FARP2: variants seen among roughly 807,000 people sequenced by gnomAD.
FARP2 encodes the protein FERM, ARHGEF and pleckstrin domain-containing protein 2.
A neutral mutation model predicts 130.5 loss-of-function variants in FARP2; 111 were observed. The ratio of observed to expected loss-of-function variants is 0.85; its 90% CI spans 0.73 to 1.00. The LOEUF is 1.00. FARP2 is among the 50% of genes least tolerant of loss of function. FARP2 has a pLI of 0.00. For synonymous variants in FARP2, 504 were observed against 516.9 expected, an observed-to-expected ratio of 0.98 and a Z score of 0.34; for missense variants, 1,385 against 1,346.3, an observed-to-expected ratio of 1.03 and a Z score of -0.45.
chr2:241,434,664 C>A (rs1001481403), intron 10 of FARP2, among the ~76,000 whole-genome samples: 7 of 152,094 alleles, frequency 4.6e-5, no homozygotes, highest in African/African-American at 1.7e-4. Flanking sequence ...TCAGCCTGGC[C>A]AACATGGTGA....
intron 17 of FARP2, among the ~76,000 whole-genome samples, chr2:241,464,905 C>T (rs2064129474): frequency 1.3e-5 from 2 of 152,032 alleles, no homozygotes; most frequent in Admixed American, 1.3e-4. Flanking sequence ...ACACTGTTTC[C>T]CTCAGAACAA....
At position 241,494,826 on chromosome 2, in the gene FARP2, A is replaced by G. The variant is rs2065062206; in HGVS notation, c.*701A>G. The G allele has an allele frequency of 6.6e-6, 1 of 152,090 alleles. No individual in the cohort carries two copies. Among genetic ancestry groups the G allele is most frequent in the Non-Finnish European group, 1.5e-5 (1 of 68,030 alleles). The allele number at this position is 152,090 out of a possible 1,614,324, so 9.4% of individuals were successfully genotyped here. On this transcript the variant is annotated 3_prime_UTR_variant, in exon 27 of 27. Coordinates refer to ENST00000264042, the MANE Select transcript of FARP2 (RefSeq NM_014808.4). The surrounding 1 kb of genome is among the most constrained non-coding windows in gnomAD (Gnocchi z 4.9). ...CACACACATTTGATTAAAAATAAAC[A>G]AACAGCATCTCCCCACCTGCATTCT...
At chr2:241,470,068 C>T (rs11886078) in intron 18 of FARP2, among the ~76,000 whole-genome samples, 8 of 152,214 alleles carry the variant, frequency 5.3e-5, no homozygotes, top group Non-Finnish European at 1.0e-4. Flanking sequence ...ACCCCACTCT[C>T]CAAATGTGGG....
chr2:241,373,383 A>G, intron 2 of FARP2, 93 bp downstream of exon 2: 1 of 832,290 alleles, frequency 1.2e-6, no homozygotes, highest in Non-Finnish European at 1.7e-6. Flanking sequence ...GACTTTGCAT[A>G]TTAAGTTGAT....
chr2:241,393,955 A>G (rs2061968761), intron 2 of FARP2, among the ~76,000 whole-genome samples: 1 of 152,218 alleles, frequency 6.6e-6, no homozygotes, highest in South Asian at 2.1e-4. Context: ...CCAGCCTAGT[A>G]TTGAAACAGT....
At chr2:241,373,982 T>C (rs1575467031) in intron 2 of FARP2, among the ~76,000 whole-genome samples, 2 of 152,248 alleles carry the variant, frequency 1.3e-5, no homozygotes, top group African/African-American at 4.8e-5. Context: ...CTACATGTTA[T>C]TAGCATGAAA....
At position 241,468,147 on chromosome 2, in the gene FARP2, C is replaced by G; in HGVS notation, c.1901C>G (p.Thr634Ser). Residue 634 changes from threonine to serine, a missense_variant, in exon 18 of 27, where the codon ACC becomes AGC. Thr to Ser is a moderately conservative substitution (Grantham distance 58). Coordinates refer to ENST00000264042, the MANE Select transcript of FARP2 (RefSeq NM_014808.4). ...ACTCTTGCGCCTCCACAGGAGTTTA[C>G]CAGCTACTTCCAAAGACATGACGAG... ...LRNMRQLKEF[T>S]SYFQRHDEVL... is the part of the protein sequence containing the mutation. 1 of 1,611,916 alleles carries G rather than the reference C, an allele frequency of 6.2e-7. No individual in the cohort carries two copies. Among genetic ancestry groups the G allele is most frequent in the Non-Finnish European group, 8.5e-7 (1 of 1,178,078 alleles).
intron 8 of FARP2, among the ~76,000 whole-genome samples, chr2:241,425,630 C>A (rs1233967121): frequency 5.4e-5 from 5 of 92,728 alleles, no homozygotes; most frequent in Admixed American, 1.3e-4. Context: ...AATATCCTAC[C>A]AAGTAAAAAA....
chr2:241,402,647 A>C (rs2062198476), intron 2 of FARP2, among the ~76,000 whole-genome samples: 1 of 151,034 alleles, frequency 6.6e-6, no homozygotes, highest in Non-Finnish European at 1.5e-5. Context: ...AGTAATGTAC[A>C]ATAAAACTCT....
At chr2:241,379,759 G>A (rs2061619348) in intron 2 of FARP2, among the ~76,000 whole-genome samples, 2 of 152,204 alleles carry the variant, frequency 1.3e-5, no homozygotes, top group East Asian at 1.9e-4. Context: ...AGAAGAAAAA[G>A]TAACTCAGCT....
chr2:241,410,876 G>A (rs532797869), intron 5 of FARP2, 157 bp from the exon 6 acceptor site: 2 of 589,886 alleles, frequency 3.4e-6, no homozygotes, highest in South Asian at 3.9e-5. Context: ...AAGGCCTTTT[G>A]TGACTTTGCT....
chr2:241,471,343 C>G (rs541272563), intron 18 of FARP2: 16 of 151,354 alleles, frequency 1.1e-4, no homozygotes, highest in Admixed American at 7.9e-4. Context: ...CTGAGGGGAC[C>G]CTGTTTTGTG....
At chr2:241,444,382 T>G (rs925597068) in intron 13 of FARP2, 1 of 152,254 alleles carries the variant, frequency 6.6e-6, no homozygotes, top group Non-Finnish European at 1.5e-5. Context: ...TTCCTAAACC[T>G]TAGTATTCAT....
Position 241,455,314 on chromosome 2 carries a change from C to T in FARP2, c.1412-1433C>T, listed in dbSNP as rs913843043. Among the ~76,000 whole-genome samples, 6 of 152,176 alleles carry T rather than the reference C, an allele frequency of 3.9e-5. No individual in the cohort carries two copies. In the East Asian group the frequency reaches 5.8e-4, roughly 15 times the overall value. On this transcript the variant is annotated intron_variant, in intron 13 of 26. Transcript: ENST00000264042. ...TTTGGTAAGCTGACTCAGCAATCAT[C>T]GTTAGAAATCATGATAGTTTCAGTG...
chr2:241,429,794 G>C (rs2063047319), intron 8 of FARP2, among the ~76,000 whole-genome samples: 1 of 152,118 alleles, frequency 6.6e-6, no homozygotes. Context: ...ATTAAAAATA[G>C]AAAATTAGCC....
intron 21 of FARP2, chr2:241,489,703 A>G (rs2064846461): frequency 3.2e-6 from 1 of 316,796 alleles, no homozygotes; most frequent in Admixed American, 4.6e-5. Flanking sequence ...CCTTTGCTTG[A>G]TTTTCAGCTA....
At chr2:241,374,037 G>T (rs1167606091) in intron 2 of FARP2, among the ~76,000 whole-genome samples, 7 of 150,658 alleles carry the variant, frequency 4.6e-5, no homozygotes, top group Non-Finnish European at 8.9e-5. Flanking sequence ...TTGAGAAAGG[G>T]TGTTGTTCTG....
At chr2:241,431,523 A>G (rs2063089836) in intron 8 of FARP2, among the ~76,000 whole-genome samples, 156 bp from the exon 9 acceptor site, 1 of 152,234 alleles carries the variant, frequency 6.6e-6, no homozygotes, top group African/African-American at 2.4e-5. Flanking sequence ...TAATATGTTT[A>G]GTTATTGACA....
intron 8 of FARP2, among the ~76,000 whole-genome samples, chr2:241,420,537 A>T (rs2062779499): frequency 6.6e-6 from 1 of 152,210 alleles, no homozygotes; most frequent in African/African-American, 2.4e-5. Flanking sequence ...AAACCTTCAC[A>T]GGAATAAAAC....
Sources: gnomAD v4.1 joint callset for allele counts (sites outside exome capture counted in the v4.1 genomes callset) on GRCh38, gnomAD v4.1.1 for gene constraint, Gnocchi (gnomAD v3.1) non-coding constraint, MANE v1.5 for transcripts, NCBI Gene and HGNC (gene_info 2026-07-23, HGNC 2026-07-21) for gene names.